The following MTTP variants were observed in gnomAD, a reference collection of about 807,000 sequenced individuals.
MTTP encodes the protein microsomal triglyceride transfer protein.
MTTP carries 49 observed loss-of-function variants against 90.6 expected under a neutral mutation model. The ratio of observed to expected loss-of-function variants is 0.54; its 90% CI spans 0.43 to 0.69. The LOEUF is 0.69. MTTP is among the 30% of genes least tolerant of loss of function. MTTP has a pLI of 0.00. For missense variants in MTTP, 945 were observed against 1,067.5 expected, an observed-to-expected ratio of 0.89 and a Z score of 1.60; for synonymous variants, 347 against 384.2, an observed-to-expected ratio of 0.90 and a Z score of 1.13.
chr4:99,595,871 T>A (rs1725540562), intron 7 of MTTP, among the ~76,000 whole-genome samples: 1 of 152,074 alleles, frequency 6.6e-6, no homozygotes, highest in Non-Finnish European at 1.5e-5. Flanking sequence ...TCTGCACTAT[T>A]AATTTCTCTC....
chr4:99,569,896 A>T (rs1724796519), upstream of MTTP, among the ~76,000 whole-genome samples: 1 of 152,066 alleles, frequency 6.6e-6, no homozygotes, highest in Non-Finnish European at 1.5e-5. Context: ...GTATTATTTT[A>T]AAATGGCTTC....
rs1469276846 is a variant in MTTP at position 99,582,028 on chromosome 4, ACG to A, written c.186_187del (p.Val63GlyfsTer10). ...AGCGTGGGCTACCGCATTTCCTCCAACGTGGATGTGGCCTTACTATGGAGGAA... is the reference window on the plus strand; with the variant it reads ...AGCGTGGGCTACCGCATTTCCTCCAATGGATGTGGCCTTACTATGGAGGAA... On this transcript the variant is annotated frameshift_variant, in exon 2 of 18. Transcript: ENST00000265517. LOFTEE classifies it high-confidence loss of function. 6.2e-7 allele frequency: 1 copy of A among 1,614,084 alleles called. No individual in the cohort carries two copies. The highest frequency in any genetic ancestry group is 8.5e-7 in the Non-Finnish European group (1 of 1,180,028).
At chr4:99,610,219 ACT>A (rs1725917911) in intron 12 of MTTP, among the ~76,000 whole-genome samples, 1 of 151,418 alleles carries the variant, frequency 6.6e-6, no homozygotes, top group African/African-American at 2.4e-5. Flanking sequence ...TTGTTCAGAG[ACT>A]CTCACCATTA....
upstream of MTTP, among the ~76,000 whole-genome samples, chr4:99,574,256 G>A (rs1188643423): frequency 1.3e-5 from 2 of 152,114 alleles, no homozygotes; most frequent in Admixed American, 6.6e-5. Context: ...ACCTCATACA[G>A]TTTCACACAT....
At chr4:99,617,148 T>C (rs1374512999) in intron 15 of MTTP, among the ~76,000 whole-genome samples, 4 of 152,224 alleles carry the variant, frequency 2.6e-5, no homozygotes, top group South Asian at 2.1e-4. Flanking sequence ...GGCATGACTA[T>C]TGTGTTTTCT....
chr4:99,611,111 T>C, intron 12 of MTTP, 32 bp from the exon 13 acceptor site: 1 of 1,586,002 alleles, frequency 6.3e-7, no homozygotes, highest in Non-Finnish European at 8.7e-7. Flanking sequence ...TTACAATGAA[T>C]GTGCAGCTTT....
At chr4:99,594,411 ATTTTC>A (rs1316685789) in intron 6 of MTTP, among the ~76,000 whole-genome samples, 1 of 152,222 alleles carries the variant, frequency 6.6e-6, no homozygotes, top group Non-Finnish European at 1.5e-5. Context: ...TGACGATATC[ATTTTC>A]AGAAAGCTGG....
At chr4:99,612,364 G>A (rs1462795560) in intron 14 of MTTP, among the ~76,000 whole-genome samples, 1 of 146,762 alleles carries the variant, frequency 6.8e-6, no homozygotes, top group African/African-American at 2.5e-5. Flanking sequence ...GGTGTTTATC[G>A]ACTTTTTTTT....
intron 1 of MTTP, among the ~76,000 whole-genome samples, chr4:99,565,553 G>GT (rs1206180593): frequency 2.6e-5 from 4 of 152,172 alleles, no homozygotes; most frequent in Non-Finnish European, 5.9e-5. Flanking sequence ...TTTGACACAT[G>GT]TATCGAGTTC....
At chr4:99,564,467 C>CT in intron 1 of MTTP, 1 of 483,346 alleles carries the variant, frequency 2.1e-6, no homozygotes, top group Non-Finnish European at 3.6e-6. Context: ...AATTTAGAAT[C>CT]TGTAAGGCTT....
In MTTP at chr4:99,610,287, A is replaced by G. The variant is rs190925686; in HGVS notation, c.1770-856A>G. 2.4e-4 allele frequency among the ~76,000 whole-genome samples: 37 copies of G among 152,270 alleles called. 1 individual carries two copies. The highest frequency in any genetic ancestry group is 7.5e-4 in the African/African-American group (31 of 41,560). ...GGCTCTGGTTTTATCCCAGGAGCAA[A>G]GCAAAACACGTCTAGTCATTCATCC... On this transcript the variant is annotated intron_variant, in intron 12 of 17. Transcript: ENST00000265517.
exon 1 of MTTP, chr4:99,564,177 G>T: frequency 6.5e-7 from 1 of 1,535,524 alleles, no homozygotes; most frequent in Non-Finnish European, 8.7e-7. Flanking sequence ...AGTGATGTCT[G>T]TTTTTTCCCG....
chr4:99,587,140 T>C (rs899265993), intron 3 of MTTP, among the ~76,000 whole-genome samples: 1 of 152,202 alleles, frequency 6.6e-6, no homozygotes, highest in African/African-American at 2.4e-5. Context: ...AAATGCAAAA[T>C]TCTGATTTCA....
At chr4:99,583,078 CA>C (rs1725167405) in intron 2 of MTTP, among the ~76,000 whole-genome samples, 2 of 152,068 alleles carry the variant, frequency 1.3e-5, no homozygotes, top group Admixed American at 6.6e-5. Context: ...CCACAAAAAA[CA>C]AATGAAGAGT....
At chr4:99,607,011 A>G in intron 11 of MTTP, 51 bp downstream of exon 11, 2 of 1,445,000 alleles carry the variant, frequency 1.4e-6, no homozygotes, top group Non-Finnish European at 9.6e-7. Context: ...AAAAAAAAGC[A>G]TGCTGAACAT....
At chr4:99,583,735 T>A in intron 3 of MTTP, 1 of 624,924 alleles carries the variant, frequency 1.6e-6, no homozygotes, top group South Asian at 2.1e-5. Flanking sequence ...CCTATTTTTC[T>A]GGAAATCTTT....
At chr4:99,615,743 T>C (rs1490884239) in intron 15 of MTTP, among the ~76,000 whole-genome samples, 1 of 152,232 alleles carries the variant, frequency 6.6e-6, no homozygotes, top group African/African-American at 2.4e-5. Context: ...CAGAGAAAGA[T>C]GTCTCATAAA....
rs1023637023 is a variant in MTTP, at chr4:99,583,557, T to G, written c.393+40T>G. 11 of 1,611,178 alleles carry G rather than the reference T, an allele frequency of 6.8e-6. No homozygotes were observed. The African/African-American group carries it at 1.5e-4, about 22-fold the overall frequency. On this transcript the variant is annotated intron_variant, in intron 3 of 17. Transcript: ENST00000265517. ...AGATTCCACAACTTTTTCTCCAACT[T>G]CATATTTTTCTTCCCTTCAGTAGAT...
intron 1 of MTTP, among the ~76,000 whole-genome samples, chr4:99,568,412 T>C (rs1330627816): frequency 1.3e-5 from 2 of 152,004 alleles, no homozygotes; most frequent in Non-Finnish European, 2.9e-5. Context: ...CCCTCCAAAA[T>C]GAAATAGGTA....
Sources: allele counts gnomAD v4.1 joint callset (sites outside exome capture counted in the v4.1 genomes callset), GRCh38; gene constraint gnomAD v4.1.1; transcripts MANE v1.5; gene names NCBI Gene and HGNC (gene_info 2026-07-23, HGNC 2026-07-21).